SLC6A5: variants seen among roughly 807,000 people sequenced by gnomAD.
SLC6A5 encodes sodium- and chloride-dependent glycine transporter 2.
SLC6A5 carries 58 observed loss-of-function variants against 90.5 expected under a neutral mutation model. The ratio of observed to expected loss-of-function variants is 0.64; its 90% CI spans 0.52 to 0.80. The LOEUF (loss-of-function observed/expected upper bound fraction) is 0.80, where lower values mean the gene tolerates loss of function less well. Among genes scored for constraint, SLC6A5 ranks in the 30% least tolerant of loss-of-function variants. The pLI is 0.00. For missense variants in SLC6A5, 1,015 were observed against 1,017.6 expected (o/e 1.00, Z 0.03); for synonymous variants, 427 against 401.4 (o/e 1.06, Z -0.76).
At position 20,614,770 on chromosome 11, in the gene SLC6A5, C is replaced by T. The variant is rs111388315; in HGVS notation, c.1077C>T (p.Phe359=). The T allele has an allele frequency of 3.8e-5, 62 of 1,613,902 alleles. No individual in the cohort carries two copies. The African/African-American group carries it at 6.5e-4, about 17-fold the overall frequency. ...ATCCCAACGTGACAATGGTTAATTT[C>T]ACCAGCCAGGCCAATAAGACATTTG... ...TAYPNVTMVN[F]TSQANKTFVS... The change falls in exon 6 of 16, where the codon TTC becomes TTT. Residue 359 remains phenylalanine (F), a synonymous_variant. Transcript: ENST00000525748.
In SLC6A5 at chr11:20,615,779, G is replaced by A. The variant is rs111687932; in HGVS notation, c.1127+959G>A. 1.6e-4 allele frequency among the ~76,000 whole-genome samples: 24 copies of A among 151,936 alleles called. 2 individuals are homozygous for A. The highest frequency in any genetic ancestry group is 4.8e-4 in the African/African-American group (20 of 41,424). On this transcript the variant is annotated intron_variant, in intron 6 of 15. Transcript: ENST00000525748. ...GGGTTGTAAATTCAAATGTACTCGG[G>A]CATGGCAGGAATATAAATGAGTAAA...
chr11:20,630,508 C>A (rs953260221), intron 9 of SLC6A5, among the ~76,000 whole-genome samples, 183 bp from the exon 10 acceptor site: 1 of 152,210 alleles, frequency 6.6e-6, no homozygotes, highest in Non-Finnish European at 1.5e-5. Flanking sequence ...TAGGGGATAT[C>A]GTCTGAGCCT....
intron 6 of SLC6A5, among the ~76,000 whole-genome samples, chr11:20,616,344 C>A (rs1464178367): frequency 6.6e-6 from 1 of 152,154 alleles, no homozygotes; most frequent in Non-Finnish European, 1.5e-5. Flanking sequence ...TGAAAGACCG[C>A]CAAAAGCAGG....
Position 20,655,186 on chromosome 11 carries a change from T to C in SLC6A5, c.*318T>C. 1 of 386,444 alleles carries C rather than the reference T, an allele frequency of 2.6e-6. No homozygotes were observed. Among genetic ancestry groups the C allele is most frequent in the South Asian group, 2.1e-5 (1 of 47,822 alleles). 23.9% of individuals were successfully genotyped at this position (386,444 alleles called of 1,614,324 possible). On this transcript the variant is annotated 3_prime_UTR_variant, in exon 16 of 16. Transcript: ENST00000525748. ...TGGTAGGTATGCGTGGTTTTGTCAA[T>C]AGAGAGGTATCCACTGTGTGATGGC...
chr11:20,649,610 T>A (rs1853484790), intron 14 of SLC6A5, among the ~76,000 whole-genome samples: 1 of 152,226 alleles, frequency 6.6e-6, no homozygotes, highest in African/African-American at 2.4e-5. Flanking sequence ...TGTGCTGGAA[T>A]AGGCTAAGAT....
At chr11:20,600,333 GAGGAAGAAGAAGAAGAAGAAGAA>G (rs1852435299) in intron 1 of SLC6A5, among the ~76,000 whole-genome samples, 1 of 100,290 alleles carries the variant, frequency 1.0e-5, no homozygotes, top group Admixed American at 1.3e-4. Flanking sequence ...AAAAGAAGAA[GAGGAAGAAGAAGAAGAAGAAGAA>G]GAAGAAGAAG....
chr11:20,607,215 G>A, intron 4 of SLC6A5, 77 bp downstream of exon 4: 1 of 1,533,502 alleles, frequency 6.5e-7, no homozygotes, highest in Non-Finnish European at 8.9e-7. Context: ...GCCCCAGGGA[G>A]GGAGACCTGC....
rs770409829 is a variant in SLC6A5 at position 20,617,889 on chromosome 11, G to A, written c.1260+5G>A. 7 of 1,610,766 alleles carry A rather than the reference G, an allele frequency of 4.3e-6. No individual in the cohort carries two copies. Among genetic ancestry groups the A allele is most frequent in the Non-Finnish European group, 5.9e-6 (7 of 1,179,718 alleles). On this transcript the variant is annotated splice_donor_5th_base_variant and intron_variant, in intron 7 of 15. Transcript: ENST00000525748. ...GGAATCAAGACTTCAGGAAAAGTAA[G>A]CACTTGGATTTATCTAAGAGAAAGC...
intron 13 of SLC6A5, among the ~76,000 whole-genome samples, chr11:20,643,215 G>C (rs1447898051): frequency 6.7e-6 from 1 of 148,294 alleles, no homozygotes; most frequent in African/African-American, 2.5e-5. Context: ...GAAATTTCTA[G>C]AATCTCTCTC....
rs373273226 is a variant in SLC6A5 at position 20,638,408 on chromosome 11, C to G, written c.1870-51C>G. On this transcript the variant is annotated intron_variant, in intron 12 of 15. Transcript: ENST00000525748. ...ACTGGCTGTTAAACGTGGGAAGAGA[C>G]AGCCTGGCTTCAGGACGCATTTGAT... is the stretch of plus-strand genomic sequence containing the variant. 146 of 1,135,700 alleles carry G rather than the reference C, an allele frequency of 1.3e-4. 1 individual carries two copies. In the African/African-American group the frequency reaches 2.0e-3, roughly 16 times the overall value. 70.4% of individuals were successfully genotyped at this position (1,135,700 alleles called of 1,614,324 possible). A position where few individuals can be genotyped will look rare whatever the true frequency, so the allele number is the denominator to read the frequency against.
At chr11:20,642,810 G>A (rs1274829801) in intron 13 of SLC6A5, among the ~76,000 whole-genome samples, 1 of 152,234 alleles carries the variant, frequency 6.6e-6, no homozygotes, top group African/African-American at 2.4e-5. Context: ...AGAGGCTGGA[G>A]GAACTGGAGA....
In SLC6A5 at chr11:20,657,354, G is replaced by A. The variant is rs555079134; in HGVS notation, c.*2486G>A. On this transcript the variant is annotated 3_prime_UTR_variant, in exon 16 of 16. Transcript: ENST00000525748. ...TTTACATTTGTGTTAATTATGATTT[G>A]TCCAGGTAAGATGCAGTAGCTGCTC... The A allele has an allele frequency of 1.3e-5, 2 of 152,266 alleles. No homozygotes were observed. The highest frequency in any genetic ancestry group is 1.9e-4 in the East Asian group (1 of 5,184). The allele number at this position is 152,266 out of a possible 1,614,324, so 9.4% of individuals were successfully genotyped here. A position where few individuals can be genotyped will look rare whatever the true frequency, so the allele number is the denominator to read the frequency against.
rs1320678341 is a variant in SLC6A5, at chr11:20,654,631, C to G, written c.2239-82C>G. 3.8e-5 allele frequency: 52 copies of G among 1,381,302 alleles called. No individual in the cohort carries two copies. In the East Asian group the frequency reaches 1.1e-3, roughly 28 times the overall value. The allele number at this position is 1,381,302 out of a possible 1,614,324, so 85.6% of individuals were successfully genotyped here. A position where few individuals can be genotyped will look rare whatever the true frequency, so the allele number is the denominator to read the frequency against. ...GGACTCTGGTCAAAGTGGTCATAAG[C>G]AGTTTGGGGATGAGTGGGTCGTCCC... On this transcript the variant is annotated intron_variant, in intron 15 of 15. Coordinates refer to ENST00000525748, the MANE Select transcript of SLC6A5 (RefSeq NM_004211.5).
chr11:20,608,926 C>CTG (rs1852636372), intron 5 of SLC6A5, among the ~76,000 whole-genome samples: 2 of 30,260 alleles, frequency 6.6e-5, no homozygotes, highest in African/African-American at 2.7e-4. Flanking sequence ...CTGTCTGTCT[C>CTG]TCTCTCTCTC....
At chr11:20,643,487 G>A (rs1367227148) in intron 13 of SLC6A5, among the ~76,000 whole-genome samples, 7 of 152,264 alleles carry the variant, frequency 4.6e-5, no homozygotes, top group Admixed American at 2.6e-4. Context: ...GTGTCCTTGC[G>A]TCATGGATTG....
intron 10 of SLC6A5, among the ~76,000 whole-genome samples, chr11:20,634,017 G>A (rs971701631): frequency 2.0e-5 from 3 of 151,826 alleles, no homozygotes; most frequent in Non-Finnish European, 2.9e-5. Flanking sequence ...GACTACAGGC[G>A]CCCCCCACTA....
In SLC6A5 at chr11:20,658,526, G is replaced by A. The variant is rs1191714015; in HGVS notation, c.*3658G>A. On this transcript the variant is annotated 3_prime_UTR_variant, in exon 16 of 16. Transcript: ENST00000525748. ...TTCCAGGCTGGGAGCAAAGGTGTGGGTGATTCTGCCTTGATACTCATTTCC... is the reference window on the plus strand; with the variant it reads ...TTCCAGGCTGGGAGCAAAGGTGTGGATGATTCTGCCTTGATACTCATTTCC... 2.0e-5 allele frequency: 3 copies of A among 152,140 alleles called. No individual in the cohort carries two copies. The highest frequency in any genetic ancestry group is 1.3e-4 in the Admixed American group (2 of 15,274). The allele number at this position is 152,140 out of a possible 1,614,324, so 9.4% of individuals were successfully genotyped here. A position where few individuals can be genotyped will look rare whatever the true frequency, so the allele number is the denominator to read the frequency against.
intron 2 of SLC6A5, among the ~76,000 whole-genome samples, chr11:20,603,607 T>C (rs1324990709): frequency 3.9e-5 from 6 of 152,198 alleles, no homozygotes; most frequent in Non-Finnish European, 7.3e-5. Flanking sequence ...TTTGTTTGTT[T>C]GTTTTCCGTC....
At chr11:20,614,347 G>A (rs1483948379) in intron 5 of SLC6A5, among the ~76,000 whole-genome samples, 1 of 152,180 alleles carries the variant, frequency 6.6e-6, no homozygotes, top group East Asian at 1.9e-4. Flanking sequence ...TTTTGAAAAT[G>A]GAAGATTATA....
Sources: gnomAD v4.1 joint callset for allele counts (sites outside exome capture counted in the v4.1 genomes callset) on GRCh38, gnomAD v4.1.1 for gene constraint, MANE v1.5 for transcripts, NCBI Gene and HGNC (gene_info 2026-07-23, HGNC 2026-07-21) for gene names.